DAAM2: variants seen among roughly 807,000 people sequenced by gnomAD.
The protein encoded by DAAM2 is dishevelled associated activator of morphogenesis 2, also known as disheveled-associated activator of morphogenesis 2.
DAAM2 carries 39 observed loss-of-function variants against 120.7 expected under a neutral mutation model. The observed-to-expected ratio is 0.32, with a 90% CI of 0.25 to 0.42. The LOEUF (loss-of-function observed/expected upper bound fraction) is 0.42. Ranked by LOEUF, DAAM2 falls within the 10% of genes least tolerant of loss-of-function variation. The pLI, the probability that DAAM2 is intolerant of heterozygous loss-of-function variation, is 1.00. For missense variants in DAAM2, 1,283 were observed against 1,401.7 expected (o/e 0.92, Z 1.35); for synonymous variants, 488 against 524.9 (o/e 0.93, Z 0.96).
At chr6:39,894,596 G>C (rs60320623) in intron 19 of DAAM2, among the ~76,000 whole-genome samples, 13,493 of 143,454 alleles carry the variant, frequency 0.094, 1,228 homozygotes, top group East Asian at 0.26. Context: ...TAGTTTTATC[G>C]GTTTTGAACT....
At chr6:39,875,540 C>A in intron 11 of DAAM2, 72 bp downstream of exon 11, 1 of 1,539,988 alleles carries the variant, frequency 6.5e-7, no homozygotes, top group Non-Finnish European at 8.8e-7. Flanking sequence ...GTCTCACCAG[C>A]GAAACCTCAG....
intron 17 of DAAM2, among the ~76,000 whole-genome samples, chr6:39,891,023 G>A (rs1165676557): frequency 6.6e-6 from 1 of 151,358 alleles, no homozygotes; most frequent in Admixed American, 6.6e-5. Context: ...AGCCCAGGAG[G>A]TCACGGCTGC....
In DAAM2 at chr6:39,895,218, C is replaced by CTTTATTTA. The variant is rs1243055930; in HGVS notation, c.2342-1593_2342-1586dup. 1.0e-4 allele frequency among the ~76,000 whole-genome samples: 9 copies of CTTTATTTA among 90,434 alleles called. No homozygotes were observed. In the East Asian group the frequency reaches 2.3e-3, roughly 23 times the overall value. 59.3% of individuals were successfully genotyped at this position (90,434 alleles called of 152,430 possible). A position where few individuals can be genotyped will look rare whatever the true frequency, so the allele number is the denominator to read the frequency against. ...CAAACCTTACTATTCATTTTTACAA[C>CTTTATTTA]TTTATTTACTTATTTATTTATTTAT... On this transcript the variant is annotated intron_variant, in intron 19 of 24. Transcript: ENST00000274867.
At chr6:39,860,572 A>G (rs954252857) in intron 2 of DAAM2, among the ~76,000 whole-genome samples, 40 of 152,318 alleles carry the variant, frequency 2.6e-4, no homozygotes, top group Middle Eastern at 3.4e-3. Context: ...ATGACAAGGG[A>G]TGGAAGACAA....
At chr6:39,854,647 A>G (rs989311645) in intron 1 of DAAM2, among the ~76,000 whole-genome samples, 9 of 152,246 alleles carry the variant, frequency 5.9e-5, no homozygotes, top group African/African-American at 1.9e-4. Flanking sequence ...AGTGTTCTCT[A>G]GAAGTTACCC....
intron 1 of DAAM2, among the ~76,000 whole-genome samples, chr6:39,824,021 A>C: frequency 6.6e-6 from 1 of 150,726 alleles, no homozygotes; most frequent in African/African-American, 2.4e-5. Flanking sequence ...TTTTCTCCAG[A>C]CTCCACTCTA....
intron 18 of DAAM2, 35 bp downstream of exon 18, chr6:39,891,482 T>C (rs1395190982): frequency 3.2e-6 from 5 of 1,559,210 alleles, no homozygotes; most frequent in Non-Finnish European, 4.4e-6. Context: ...TTCAAGCAGG[T>C]GGGGTTCTGG....
At chr6:39,840,734 C>CTA (rs900482469) in intron 1 of DAAM2, among the ~76,000 whole-genome samples, 1 of 152,160 alleles carries the variant, frequency 6.6e-6, no homozygotes, top group African/African-American at 2.4e-5. Flanking sequence ...AAGCCCTGGT[C>CTA]TATCTACTAT....
At chr6:39,876,462 TCCTA>T (rs1472112896) in intron 11 of DAAM2, among the ~76,000 whole-genome samples, 4 of 152,214 alleles carry the variant, frequency 2.6e-5, no homozygotes, top group Non-Finnish European at 5.9e-5. Context: ...TAGTTTTATT[TCCTA>T]CCAATTCATT....
intron 1 of DAAM2, among the ~76,000 whole-genome samples, chr6:39,803,152 G>T (rs1461647070): frequency 2.6e-5 from 4 of 152,162 alleles, no homozygotes; most frequent in Non-Finnish European, 5.9e-5. Flanking sequence ...GTGAACATTT[G>T]TGCACTTTTA....
At chr6:39,845,629 G>T (rs1763559022) in intron 1 of DAAM2, among the ~76,000 whole-genome samples, 1 of 151,856 alleles carries the variant, frequency 6.6e-6, no homozygotes. Context: ...TCAAAGATAT[G>T]CATTCATGTC....
At chr6:39,855,460 A>AGAAAATCTGAGCAGATTTCTTCT (rs1562028998) in intron 1 of DAAM2, among the ~76,000 whole-genome samples, 3 of 152,194 alleles carry the variant, frequency 2.0e-5, no homozygotes, top group African/African-American at 7.2e-5. Flanking sequence ...TGGTATGAAA[A>AGAAAATCTGAGCAGATTTCTTCT]GAAAATCTGA....
intron 5 of DAAM2, among the ~76,000 whole-genome samples, chr6:39,865,656 G>A (rs1307545182): frequency 6.6e-6 from 1 of 152,238 alleles, no homozygotes; most frequent in Non-Finnish European, 1.5e-5. Flanking sequence ...GGTCTGCCCC[G>A]TGGTGTGCTG....
At chr6:39,828,581 T>TTTTTTTTTTTTG (rs1372409752) in intron 1 of DAAM2, among the ~76,000 whole-genome samples, 2 of 151,386 alleles carry the variant, frequency 1.3e-5, no homozygotes, top group Admixed American at 6.6e-5. Flanking sequence ...TTTTTTTTTT[T>TTTTTTTTTTTTG]GAGACGGATT....
intron 1 of DAAM2, among the ~76,000 whole-genome samples, chr6:39,803,583 A>T (rs1761928907): frequency 6.6e-6 from 1 of 152,210 alleles, no homozygotes; most frequent in East Asian, 1.9e-4. Flanking sequence ...AACTTGAGAG[A>T]CTTGCCTAAG....
chr6:39,887,258 G>C, intron 15 of DAAM2: 1 of 472,676 alleles, frequency 2.1e-6, no homozygotes, highest in Non-Finnish European at 3.8e-6. Context: ...ATAGGAAGGG[G>C]GGCTTCTCGG....
At chr6:39,862,032 A>T (rs1248625615) in intron 3 of DAAM2, 1 of 152,236 alleles carries the variant, frequency 6.6e-6, no homozygotes, top group Non-Finnish European at 1.5e-5. Flanking sequence ...GGAGGATTCA[A>T]ATATACACCA....
intron 1 of DAAM2, among the ~76,000 whole-genome samples, chr6:39,843,196 A>G (rs1403463711): frequency 1.3e-5 from 2 of 151,406 alleles, no homozygotes; most frequent in Admixed American, 1.3e-4. Flanking sequence ...CTGCGGGGGG[A>G]GTTGGAGATA....
chr6:39,795,960 C>T (rs1761687841), intron 1 of DAAM2, among the ~76,000 whole-genome samples: 6 of 152,156 alleles, frequency 3.9e-5, no homozygotes, highest in Admixed American at 1.3e-4. Flanking sequence ...GGGTCAAGGA[C>T]CAATTGGATC....
Sources: gnomAD v4.1 joint callset for allele counts (sites outside exome capture counted in the v4.1 genomes callset) on GRCh38, gnomAD v4.1.1 for gene constraint, MANE v1.5 for transcripts, NCBI Gene and HGNC (gene_info 2026-07-23, HGNC 2026-07-21) for gene names.